OSR2: variants seen among roughly 807,000 people sequenced by gnomAD.
OSR2 encodes the protein odd-skipped related transciption factor 2.
A neutral mutation model predicts 22.3 loss-of-function variants in OSR2; 8 were observed. The observed-to-expected ratio is 0.36, with a 90% CI of 0.21 to 0.65. The LOEUF (loss-of-function observed/expected upper bound fraction) is 0.65, where lower values mean the gene tolerates loss of function less well. Ranked by LOEUF, OSR2 falls within the 30% of genes least tolerant of loss-of-function variation. The pLI, the probability that OSR2 is intolerant of heterozygous loss-of-function variation, is 0.66. For synonymous variants in OSR2, 179 were observed against 173.8 expected, an observed-to-expected ratio of 1.03 and a Z score of -0.23; for missense variants, 311 against 413.4, an observed-to-expected ratio of 0.75 and a Z score of 2.15.
Position 98,951,827 on chromosome 8 carries a change from C to G in OSR2, c.*126C>G. Reference sequence around the variant, plus strand: ...CAGCTCTTCCCTTGCTGCAGCCGCACCTGCAGCTCCAGGGAGTTAACTCTT... The same window carrying G: ...CAGCTCTTCCCTTGCTGCAGCCGCAGCTGCAGCTCCAGGGAGTTAACTCTT... On this transcript the variant is annotated 3_prime_UTR_variant, in exon 4 of 4. Transcript: ENST00000297565. 1.1e-6 allele frequency: 1 copy of G among 903,680 alleles called. No individual in the cohort carries two copies. Among genetic ancestry groups the G allele is most frequent in the Non-Finnish European group, 1.6e-6 (1 of 611,714 alleles). The allele number at this position is 903,680 out of a possible 1,614,324, so 56.0% of individuals were successfully genotyped here.
chr8:98,949,411 G>C lies in OSR2; in HGVS notation c.459G>C (p.Leu153Phe). The part of the protein sequence containing the change: ...LGSPISGLSK[L>F]TPDRKPSRGR... ...GCCCCATCTCGGGCCTCAGTAAATT[G>C]ACTCCGGACAGAAAGCCCTCTCGAG... is the stretch of plus-strand genomic sequence containing the variant. Residue 153 changes from leucine to phenylalanine, a missense_variant, in exon 2 of 4, where the codon TTG becomes TTC. Transcript: ENST00000297565. The surrounding 1 kb of genome is among the most constrained non-coding windows in gnomAD (Gnocchi z 5.9). 6.2e-7 allele frequency: 1 copy of C among 1,613,980 alleles called. No individual in the cohort carries two copies. The highest frequency in any genetic ancestry group is 8.5e-7 in the Non-Finnish European group (1 of 1,179,846).
rs1840677828 is a variant in OSR2, at chr8:98,948,498, C to T, written c.-114-341C>T. The stretch of plus-strand genomic sequence containing the variant: ...ACAGGCTTGGGGAGGGTGGGCTGGG[C>T]TGGGCTGGGCTGGGCTGGGTGCTGC... On this transcript the variant is annotated intron_variant, in intron 1 of 3. Transcript: ENST00000297565. The surrounding 1 kb of genome is among the most constrained non-coding windows in gnomAD (Gnocchi z 6.0). 6 of 110,746 alleles carry T rather than the reference C, an allele frequency of 5.4e-5. No homozygotes were observed. The highest frequency in any genetic ancestry group is 1.1e-4 in the South Asian group (1 of 9,074). The allele number at this position is 110,746 out of a possible 1,614,324, so 6.9% of individuals were successfully genotyped here. A position where few individuals can be genotyped will look rare whatever the true frequency, so the allele number is the denominator to read the frequency against.
intron 3 of OSR2, 39 bp downstream of exon 3, chr8:98,950,794 G>A (rs780731274): frequency 6.7e-6 from 9 of 1,346,622 alleles, no homozygotes; most frequent in South Asian, 2.4e-5. Context: ...TGGCTGGTTC[G>A]TGTTATCATT....
At chr8:98,945,198 C>A (rs549247452) in intron 1 of OSR2, among the ~76,000 whole-genome samples, 31 of 152,354 alleles carry the variant, frequency 2.0e-4, no homozygotes, top group Admixed American at 5.9e-4. Context: ...GCCGCGGCAG[C>A]GCAGCGTGGA....
chr8:98,946,692 G>A (rs948542809), intron 1 of OSR2, among the ~76,000 whole-genome samples: 3 of 152,102 alleles, frequency 2.0e-5, no homozygotes, highest in Non-Finnish European at 2.9e-5. Flanking sequence ...GGCAGAGTTC[G>A]CTGTGCCTTT....
rs1316924046 is a variant in OSR2, at chr8:98,948,558, G to C, written c.-114-281G>C. 8.1e-7 allele frequency: 1 copy of C among 1,234,250 alleles called. No individual in the cohort carries two copies. Among genetic ancestry groups the C allele is most frequent in the East Asian group, 2.7e-5 (1 of 37,692 alleles). The allele number at this position is 1,234,250 out of a possible 1,614,324, so 76.5% of individuals were successfully genotyped here. A position where few individuals can be genotyped will look rare whatever the true frequency, so the allele number is the denominator to read the frequency against. On this transcript the variant is annotated intron_variant, in intron 1 of 3. Transcript: ENST00000297565. This position sits in a 1 kb window ranked among gnomAD's most constrained non-coding sequence, Gnocchi z 6.0. ...CGCCTTTCGTTTTCCTGGGACCGAG[G>C]AGTCTTCCGCTCCGTATCTGCCTAG...
rs777711530 is a variant in OSR2 at position 98,949,341 on chromosome 8, C to T, written c.389C>T (p.Pro130Leu). Residue 130 changes from proline (P) to leucine (L), a missense_variant, in exon 2 of 4, where the codon CCG becomes CTG. Transcript: ENST00000297565. The surrounding 1 kb of genome is among the most constrained non-coding windows in gnomAD (Gnocchi z 5.9). ...GCGGTGGCTGCCACGCAAGAGGATCCGCCTAAGATGGGAGACCTGAGCAAG... is the reference window on the plus strand; with the variant it reads ...GCGGTGGCTGCCACGCAAGAGGATCTGCCTAAGATGGGAGACCTGAGCAAG... ...NLAVAATQEDPPKMGDLSKLS... is the reference protein window; with the variant it reads ...NLAVAATQEDLPKMGDLSKLS... 10 of 1,612,954 alleles carry T rather than the reference C, an allele frequency of 6.2e-6. No homozygotes were observed. Among genetic ancestry groups the T allele is most frequent in the Non-Finnish European group, 8.5e-6 (10 of 1,179,310 alleles).
chr8:98,948,342 G>C lies in OSR2; in HGVS notation c.-114-497G>C. On this transcript the variant is annotated intron_variant, in intron 1 of 3. Transcript: ENST00000297565. The surrounding 1 kb of genome is among the most constrained non-coding windows in gnomAD (Gnocchi z 6.0). Reference sequence around the variant, plus strand: ...GGGAAAGGCGGCCACAGGGCGCGGCGGCAGCGCAGCGCGTGGGATCTCACG... The same window carrying C: ...GGGAAAGGCGGCCACAGGGCGCGGCCGCAGCGCAGCGCGTGGGATCTCACG... 1 of 1,522,538 alleles carries C rather than the reference G, an allele frequency of 6.6e-7. No homozygotes were observed. 94.3% of individuals were successfully genotyped at this position (1,522,538 alleles called of 1,614,324 possible). A position where few individuals can be genotyped will look rare whatever the true frequency, so the allele number is the denominator to read the frequency against.
In OSR2 at chr8:98,949,444, G is replaced by A; in HGVS notation, c.492G>A (p.Leu164=). 3.1e-6 allele frequency: 5 copies of A among 1,614,056 alleles called. No individual in the cohort carries two copies. The highest frequency in any genetic ancestry group is 3.4e-6 in the Non-Finnish European group (4 of 1,179,890). The change falls in exon 2 of 4, where the codon TTG becomes TTA. Residue 164 remains leucine (L), a synonymous_variant. Coordinates refer to ENST00000297565, the MANE Select transcript of OSR2 (RefSeq NM_001142462.3). This position sits in a 1 kb window ranked among gnomAD's most constrained non-coding sequence, Gnocchi z 5.9. ...ACAGAAAGCCCTCTCGAGGAAGGTT[G>A]CCCTCCAAAACGAAAAAAGAGTTTA... The part of the protein sequence containing the change: ...TPDRKPSRGR[L]PSKTKKEFIC...
rs1840794064 is a variant in OSR2, at chr8:98,951,849, TC to T, written c.*149del. ...GCACCTGCAGCTCCAGGGAGTTAAC[TC>T]TTCTTCTGGGGGACTGAGAACTGTA... On this transcript the variant is annotated 3_prime_UTR_variant, in exon 4 of 4. Coordinates refer to ENST00000297565, the MANE Select transcript of OSR2 (RefSeq NM_001142462.3). The T allele has an allele frequency of 4.1e-6, 3 of 724,774 alleles. No individual in the cohort carries two copies. In the South Asian group the frequency reaches 5.8e-5, roughly 14 times the overall value. The allele number at this position is 724,774 out of a possible 1,614,324, so 44.9% of individuals were successfully genotyped here.
At position 98,948,932 on chromosome 8, in the gene OSR2, G is replaced by GC. The variant is rs1348347909; in HGVS notation, c.-20dup. The GC allele has an allele frequency of 1.2e-6, 2 of 1,613,674 alleles. No individual in the cohort carries two copies. The highest frequency in any genetic ancestry group is 3.3e-5 in the Admixed American group (2 of 60,010). ...CTGGAAGAAAGGGTTGGTCCCCTCAGCACCCCCAGCATCCCGGAAAATGGG... is the reference window on the plus strand; with the variant it reads ...CTGGAAGAAAGGGTTGGTCCCCTCAGCCACCCCCAGCATCCCGGAAAATGGG... On this transcript the variant is annotated 5_prime_UTR_variant, in exon 2 of 4. Coordinates refer to ENST00000297565, the MANE Select transcript of OSR2 (RefSeq NM_001142462.3). The surrounding 1 kb of genome is among the most constrained non-coding windows in gnomAD (Gnocchi z 6.0).
rs1021913035 is a variant in OSR2 at position 98,948,032 on chromosome 8, C to A, written c.-114-807C>A. On this transcript the variant is annotated intron_variant, in intron 1 of 3. Transcript: ENST00000297565. This position sits in a 1 kb window ranked among gnomAD's most constrained non-coding sequence, Gnocchi z 6.0. ...GACGTTCTCCGCCCCCACCCCACCC[C>A]CTGGGAGCCTGAACCATCTGGAAGG... 2.2e-5 allele frequency: 23 copies of A among 1,035,922 alleles called. No homozygotes were observed. Among genetic ancestry groups the A allele is most frequent in the Non-Finnish European group, 2.6e-5 (21 of 795,696 alleles). The allele number at this position is 1,035,922 out of a possible 1,614,324, so 64.2% of individuals were successfully genotyped here.
chr8:98,950,571 C>A, intron 2 of OSR2, 85 bp from the exon 3 acceptor site: 6 of 809,452 alleles, frequency 7.4e-6, no homozygotes, highest in East Asian at 2.7e-5. Context: ...TTTGTTCTTC[C>A]ACGACTTCCT....
Position 98,949,742 on chromosome 8 carries a change from C to T in OSR2, c.656+134C>T, listed in dbSNP as rs560352225. The T allele has an allele frequency of 1.7e-5, 18 of 1,089,710 alleles. No individual in the cohort carries two copies. The highest frequency in any genetic ancestry group is 3.2e-5 in the African/African-American group (2 of 62,940). 67.5% of individuals were successfully genotyped at this position (1,089,710 alleles called of 1,614,324 possible). ...TACACCCTCAGTCACGCTCCTCAGC[C>T]CGGTTCAGCTAATTCCCAACATCTA... On this transcript the variant is annotated intron_variant, in intron 2 of 3. Coordinates refer to ENST00000297565, the MANE Select transcript of OSR2 (RefSeq NM_001142462.3). This position sits in a 1 kb window ranked among gnomAD's most constrained non-coding sequence, Gnocchi z 5.9.
At position 98,948,189 on chromosome 8, in the gene OSR2, A is replaced by T. The variant is rs1840665940; in HGVS notation, c.-114-650A>T. ...CGCTGATAGATGGGGCTGAGGGCAG[A>T]GGAAGGAAAAAGAAAACCTCCGAGG... is the stretch of plus-strand genomic sequence containing the variant. On this transcript the variant is annotated intron_variant, in intron 1 of 3. Transcript: ENST00000297565. The surrounding 1 kb of genome is among the most constrained non-coding windows in gnomAD (Gnocchi z 6.0). 1.4e-6 allele frequency: 2 copies of T among 1,411,022 alleles called. No individual in the cohort carries two copies. Among genetic ancestry groups the T allele is most frequent in the Admixed American group, 3.1e-5 (1 of 32,380 alleles). 87.4% of individuals were successfully genotyped at this position (1,411,022 alleles called of 1,614,324 possible). A position where few individuals can be genotyped will look rare whatever the true frequency, so the allele number is the denominator to read the frequency against.
Sources: allele counts gnomAD v4.1 joint callset (sites outside exome capture counted in the v4.1 genomes callset), GRCh38; gene constraint gnomAD v4.1.1; non-coding constraint Gnocchi (gnomAD v3.1); transcripts MANE v1.5; gene names NCBI Gene and HGNC (gene_info 2026-07-23, HGNC 2026-07-21).